The following ARHGAP42 variants were observed in gnomAD, a reference collection of about 807,000 sequenced individuals.
The protein encoded by ARHGAP42 is rho GTPase-activating protein 42.
In ARHGAP42, 63 loss-of-function variants were observed where a neutral mutation model predicts 125.0. That is an observed-to-expected ratio of 0.50 (90% confidence interval 0.41 to 0.62). The LOEUF is 0.62. Ranked by LOEUF, ARHGAP42 falls within the 20% of genes least tolerant of loss-of-function variation. The probability of loss-of-function intolerance (pLI) is 0.00; values close to 1 mark genes in which losing one functional copy is unlikely to be tolerated. For missense variants in ARHGAP42, 766 were observed against 1,024.2 expected, an observed-to-expected ratio of 0.75 and a Z score of 3.44; for synonymous variants, 339 against 351.0, an observed-to-expected ratio of 0.97 and a Z score of 0.38.
At chr11:100,939,682 G>A (rs1867825120) in intron 8 of ARHGAP42, among the ~76,000 whole-genome samples, 1 of 152,020 alleles carries the variant, frequency 6.6e-6, no homozygotes, top group South Asian at 2.1e-4. Context: ...CTTTTATTTT[G>A]CAACTTTAGA....
At position 100,872,387 on chromosome 11, in the gene ARHGAP42, T is replaced by TTTG. The variant is rs751829618; in HGVS notation, c.384+12780_384+12782dup. Among the ~76,000 whole-genome samples, 111 of 152,042 alleles carry TTTG rather than the reference T, an allele frequency of 7.3e-4. No individual in the cohort carries two copies. In the East Asian group the frequency reaches 0.016, roughly 22 times the overall value. On this transcript the variant is annotated intron_variant, in intron 4 of 23. Coordinates refer to ENST00000298815, the MANE Select transcript of ARHGAP42 (RefSeq NM_152432.4). Reference sequence around the variant, plus strand: ...TTTTTTTCTTCCAAATTAATGAGTTTTTGTTGTTGTTGTTGTTGTTTGTTT... The same window carrying TTTG: ...TTTTTTTCTTCCAAATTAATGAGTTTTTGTTGTTGTTGTTGTTGTTGTTTGTTT...
At chr11:100,702,566 T>TAAAAAACCTTCGATTTGTA (rs1861414138) in intron 1 of ARHGAP42, among the ~76,000 whole-genome samples, 1 of 141,096 alleles carries the variant, frequency 7.1e-6, no homozygotes, top group Non-Finnish European at 1.5e-5. Flanking sequence ...CTTCGATTTG[T>TAAAAAACCTTCGATTTGTA]AAAAAAAAAA....
At chr11:100,901,531 G>A (rs1471543698) in intron 4 of ARHGAP42, among the ~76,000 whole-genome samples, 9 of 152,166 alleles carry the variant, frequency 5.9e-5, no homozygotes, top group Admixed American at 5.9e-4. Flanking sequence ...TGGAGTCTAT[G>A]GAGGCAGTAG....
At chr11:100,931,193 C>T (rs527671516) in intron 6 of ARHGAP42, among the ~76,000 whole-genome samples, 1 of 152,072 alleles carries the variant, frequency 6.6e-6, no homozygotes, top group Non-Finnish European at 1.5e-5. Context: ...CTTGTGGTAT[C>T]GTGACAGTGC....
chr11:100,899,495 T>A (rs1866467118), intron 4 of ARHGAP42, among the ~76,000 whole-genome samples: 1 of 152,052 alleles, frequency 6.6e-6, no homozygotes, highest in Non-Finnish European at 1.5e-5. Context: ...TTGTAGGTCT[T>A]TAAGGACTTG....
At chr11:100,810,078 T>C (rs1864099326) in intron 3 of ARHGAP42, among the ~76,000 whole-genome samples, 3 of 152,218 alleles carry the variant, frequency 2.0e-5, no homozygotes, top group African/African-American at 7.2e-5. Context: ...TAAGAGAGGT[T>C]AGCTAGGTTA....
At chr11:100,900,830 G>C (rs1397520402) in intron 4 of ARHGAP42, among the ~76,000 whole-genome samples, 1 of 151,396 alleles carries the variant, frequency 6.6e-6, no homozygotes, top group African/African-American at 2.4e-5. Flanking sequence ...TCAAGGGTTT[G>C]AACATGTTCC....
chr11:100,763,384 A>C (rs2134976936), intron 1 of ARHGAP42, among the ~76,000 whole-genome samples: 1 of 152,316 alleles, frequency 6.6e-6, no homozygotes, highest in Non-Finnish European at 1.5e-5. Context: ...ACTAAGGGCA[A>C]AAACAGATGA....
intron 4 of ARHGAP42, among the ~76,000 whole-genome samples, chr11:100,864,366 G>T (rs55868772): frequency 6.6e-5 from 10 of 151,652 alleles, no homozygotes; most frequent in Admixed American, 4.6e-4. Context: ...TGTATTTTTC[G>T]TAGAGAAAAG....
chr11:100,959,048 T>C (rs973322110), intron 12 of ARHGAP42, among the ~76,000 whole-genome samples: 2 of 148,662 alleles, frequency 1.3e-5, no homozygotes, highest in African/African-American at 5.0e-5. Flanking sequence ...ATTCTCCTCA[T>C]TTATTATTTG....
At chr11:100,746,703 T>G (rs1862315270) in intron 1 of ARHGAP42, among the ~76,000 whole-genome samples, 2 of 152,160 alleles carry the variant, frequency 1.3e-5, no homozygotes. Flanking sequence ...CAGAACAAAG[T>G]GCACCTTAAA....
intron 1 of ARHGAP42, among the ~76,000 whole-genome samples, chr11:100,745,180 T>G (rs1430176193): frequency 6.6e-6 from 1 of 152,194 alleles, no homozygotes; most frequent in Non-Finnish European, 1.5e-5. Context: ...ACGAGGAAGT[T>G]AAGTTTAAAA....
intron 2 of ARHGAP42, among the ~76,000 whole-genome samples, chr11:100,779,525 C>T (rs912877232): frequency 1.5e-5 from 2 of 132,210 alleles, no homozygotes; most frequent in African/African-American, 2.8e-5. Context: ...TATACGTATA[C>T]ATGCGTATAT....
chr11:100,950,156 AT>A (rs5794081), intron 12 of ARHGAP42, among the ~76,000 whole-genome samples, 200 bp downstream of exon 12: 132,204 of 149,836 alleles, frequency 0.88, 58,419 homozygotes, highest in East Asian at 1. Context: ...GTTAATTTTT[AT>A]TTCTTTGGTG....
intron 1 of ARHGAP42, among the ~76,000 whole-genome samples, chr11:100,742,347 T>C (rs1042951921): frequency 1.0e-4 from 11 of 105,314 alleles, no homozygotes; most frequent in African/African-American, 4.6e-4. Context: ...ACGTCTGTCT[T>C]ATTCAGTGAC....
intron 22 of ARHGAP42, among the ~76,000 whole-genome samples, chr11:100,983,513 G>A (rs1858596606): frequency 6.6e-6 from 1 of 152,104 alleles, no homozygotes; most frequent in Admixed American, 6.5e-5. Context: ...CACAGAAAAG[G>A]ACACATGGGC....
At chr11:100,877,265 A>G (rs1013133958) in intron 4 of ARHGAP42, among the ~76,000 whole-genome samples, 5 of 152,226 alleles carry the variant, frequency 3.3e-5, no homozygotes, top group Non-Finnish European at 5.9e-5. Flanking sequence ...ATGCAGTGAC[A>G]CTTAAAATAT....
chr11:100,941,594 G>A (rs79238333), intron 8 of ARHGAP42, among the ~76,000 whole-genome samples, 190 bp from the exon 9 acceptor site: 2,329 of 77,330 alleles, frequency 0.03, 62 homozygotes, highest in African/African-American at 0.1. Flanking sequence ...GCAGAGCCAC[G>A]TTGTCTGATT....
Position 100,993,017 on chromosome 11 carries a change from A to G in ARHGAP42, c.*4216A>G, listed in dbSNP as rs538244674. ...GTCCCAAAAACCAGAGACCATTTTCATTTACTGCCATCATAAATATTCTCC... is the reference window on the plus strand; with the variant it reads ...GTCCCAAAAACCAGAGACCATTTTCGTTTACTGCCATCATAAATATTCTCC... On this transcript the variant is annotated 3_prime_UTR_variant, in exon 24 of 24. Transcript: ENST00000298815. 3.8e-6 allele frequency: 1 copy of G among 262,226 alleles called. No homozygotes were observed. The highest frequency in any genetic ancestry group is 2.2e-5 in the African/African-American group (1 of 44,494). 16.2% of individuals were successfully genotyped at this position (262,226 alleles called of 1,614,324 possible). A position where few individuals can be genotyped will look rare whatever the true frequency, so the allele number is the denominator to read the frequency against.
Sources: allele counts gnomAD v4.1 joint callset (sites outside exome capture counted in the v4.1 genomes callset), GRCh38; gene constraint gnomAD v4.1.1; transcripts MANE v1.5; gene names NCBI Gene and HGNC (gene_info 2026-07-23, HGNC 2026-07-21).